Variants in GAS7 observed in about 807,000 individuals in gnomAD.
The protein encoded by GAS7 is growth arrest specific 7, also known as growth arrest-specific protein 7.
GAS7 carries 28 observed loss-of-function variants against 71.1 expected under a neutral mutation model. The observed-to-expected ratio is 0.39, with a 90% CI of 0.29 to 0.54. The LOEUF is 0.54. Ranked by LOEUF, GAS7 falls within the 20% of genes least tolerant of loss-of-function variation. The pLI, the probability that GAS7 is intolerant of heterozygous loss-of-function variation, is 0.62. For synonymous variants in GAS7, 258 were observed against 245.8 expected (o/e 1.05, Z -0.46); for missense variants, 436 against 627.8 (o/e 0.69, Z 3.27).
At chr17:10,107,544 A>ATGGGG (rs2073770001) in intron 1 of GAS7, among the ~76,000 whole-genome samples, 1 of 86,098 alleles carries the variant, frequency 1.2e-5, no homozygotes, top group Admixed American at 1.3e-4. Context: ...GTCCAGTGGC[A>ATGGGG]GGCTGAGCAG....
intron 5 of GAS7, among the ~76,000 whole-genome samples, chr17:9,955,273 C>A (rs73273007): frequency 0.027 from 4,103 of 152,286 alleles, 185 homozygotes; most frequent in African/African-American, 0.094. Flanking sequence ...GTCCTCCCCC[C>A]GGTTACATTT....
chr17:10,096,762 CA>C (rs1046582671), intron 1 of GAS7, among the ~76,000 whole-genome samples: 27 of 152,228 alleles, frequency 1.8e-4, no homozygotes, highest in African/African-American at 6.0e-4. Context: ...TGCCAGCTTC[CA>C]ACGTGCAGCT....
chr17:10,025,424 T>A (rs1026503376), intron 1 of GAS7, among the ~76,000 whole-genome samples: 3 of 151,670 alleles, frequency 2.0e-5, no homozygotes, highest in Admixed American at 6.6e-5. Flanking sequence ...TCCTCCTGTC[T>A]CCCAGTCCCC....
chr17:10,044,586 G>A (rs183001723), intron 1 of GAS7, among the ~76,000 whole-genome samples: 4 of 152,032 alleles, frequency 2.6e-5, no homozygotes, highest in East Asian at 3.9e-4. Flanking sequence ...ATGTATTCAC[G>A]GCATGTCTAA....
chr17:10,188,947 A>G (rs751187915), intron 1 of GAS7, among the ~76,000 whole-genome samples: 36 of 152,138 alleles, frequency 2.4e-4, no homozygotes, highest in Non-Finnish European at 4.7e-4. Context: ...CCCAGCCTGT[A>G]TATGTTTTAT....
intron 1 of GAS7, among the ~76,000 whole-genome samples, chr17:10,183,755 T>C (rs368868278): frequency 1.3e-5 from 2 of 151,720 alleles, no homozygotes; most frequent in African/African-American, 2.4e-5. Context: ...GGCAGGAGAA[T>C]GGCGTGAACC....
intron 1 of GAS7, among the ~76,000 whole-genome samples, chr17:10,188,420 G>A (rs2074473119): frequency 1.3e-5 from 2 of 152,140 alleles, no homozygotes; most frequent in Admixed American, 1.3e-4. Context: ...CAGCTTGCCT[G>A]ATATATCAGA....
At chr17:10,003,032 C>T (rs2071331934) in intron 2 of GAS7, among the ~76,000 whole-genome samples, 1 of 152,176 alleles carries the variant, frequency 6.6e-6, no homozygotes, top group Non-Finnish European at 1.5e-5. Context: ...GATCTTATTT[C>T]CAAATAAGAT....
At chr17:10,022,755 G>A (rs140388334) in intron 1 of GAS7, among the ~76,000 whole-genome samples, 3 of 152,284 alleles carry the variant, frequency 2.0e-5, no homozygotes, top group Non-Finnish European at 4.4e-5. Context: ...ACGGCGATAC[G>A]GACCTCCACC....
At chr17:9,944,760 T>G (rs2068729621) in intron 6 of GAS7, among the ~76,000 whole-genome samples, 1 of 152,196 alleles carries the variant, frequency 6.6e-6, no homozygotes, top group Non-Finnish European at 1.5e-5. Context: ...ACTGAAGATC[T>G]CTGTGCTTCA....
chr17:10,017,792 G>A (rs2072102463), intron 2 of GAS7, among the ~76,000 whole-genome samples: 1 of 152,194 alleles, frequency 6.6e-6, no homozygotes, highest in African/African-American at 2.4e-5. Context: ...TGGAGACCAT[G>A]TGACCCTCAA....
intron 1 of GAS7, among the ~76,000 whole-genome samples, chr17:10,121,888 C>T (rs2073907227): frequency 2.0e-5 from 3 of 152,196 alleles, no homozygotes; most frequent in Non-Finnish European, 4.4e-5. Context: ...AATGCACCCC[C>T]TCCCACAGTC....
intron 1 of GAS7, among the ~76,000 whole-genome samples, chr17:10,158,950 G>A (rs140752669): frequency 0.054 from 8,156 of 149,736 alleles, 310 homozygotes; most frequent in South Asian, 0.12. Context: ...CCAGATACTC[G>A]GGAGGCTGAG....
At chr17:10,079,785 G>A (rs914030113) in intron 1 of GAS7, among the ~76,000 whole-genome samples, 2 of 152,124 alleles carry the variant, frequency 1.3e-5, no homozygotes, top group Non-Finnish European at 2.9e-5. Context: ...CTCATATTTA[G>A]CTCAGAATAA....
chr17:10,053,690 C>G (rs1321160529), intron 1 of GAS7, among the ~76,000 whole-genome samples: 1 of 152,148 alleles, frequency 6.6e-6, no homozygotes, highest in East Asian at 1.9e-4. Context: ...GCTGAGATCT[C>G]AAAATCTGGA....
At chr17:10,049,053 C>T (rs1376977874) in intron 1 of GAS7, among the ~76,000 whole-genome samples, 6 of 152,192 alleles carry the variant, frequency 3.9e-5, no homozygotes, top group Admixed American at 3.9e-4. Context: ...GAGGAGCACG[C>T]ATAACTGATG....
intron 5 of GAS7, among the ~76,000 whole-genome samples, chr17:9,951,051 C>T (rs1317478465): frequency 1.3e-5 from 2 of 152,200 alleles, no homozygotes; most frequent in Admixed American, 6.5e-5. Context: ...CGGGCCGAGT[C>T]CCCAAGGTGT....
intron 1 of GAS7, among the ~76,000 whole-genome samples, chr17:10,191,806 C>A (rs1446084760): frequency 1.4e-5 from 2 of 138,884 alleles, no homozygotes; most frequent in Admixed American, 7.8e-5. Context: ...ACCCAGGAGG[C>A]GGAGGTTGTA....
chr17:9,966,068 G>A (rs569464385), intron 4 of GAS7, among the ~76,000 whole-genome samples: 144 of 145,040 alleles, frequency 9.9e-4, no homozygotes, highest in African/African-American at 3.4e-3. Context: ...GTGCAATCTC[G>A]GCTCACTGCA....
Sources: allele counts gnomAD v4.1 joint callset (sites outside exome capture counted in the v4.1 genomes callset), GRCh38; gene constraint gnomAD v4.1.1; transcripts MANE v1.5; gene names NCBI Gene and HGNC (gene_info 2026-07-23, HGNC 2026-07-21).